GRHL2: variants seen among roughly 807,000 people sequenced by gnomAD.
GRHL2 encodes grainyhead-like protein 2 homolog.
In GRHL2, 21 loss-of-function variants were observed where a neutral mutation model predicts 83.8. That is an observed-to-expected ratio of 0.25 (90% CI 0.18 to 0.36). The LOEUF (loss-of-function observed/expected upper bound fraction) is 0.36. Among genes scored for constraint, GRHL2 ranks in the 10% least tolerant of loss-of-function variants. The probability of loss-of-function intolerance (pLI) is 1.00; values close to 1 mark genes in which losing one functional copy is unlikely to be tolerated. For synonymous variants in GRHL2, 280 were observed against 278.9 expected (o/e 1.00, Z -0.04); for missense variants, 623 against 781.8 (o/e 0.80, Z 2.42).
At chr8:101,592,642 C>T (rs970492204) in intron 7 of GRHL2, among the ~76,000 whole-genome samples, 2 of 152,182 alleles carry the variant, frequency 1.3e-5, no homozygotes, top group African/African-American at 4.8e-5. Context: ...CTGCATTTTA[C>T]CAAAGCCCTC....
chr8:101,599,456 G>A (rs566881891), intron 8 of GRHL2, among the ~76,000 whole-genome samples: 91 of 152,296 alleles, frequency 6.0e-4, no homozygotes, highest in African/African-American at 2.0e-3. Flanking sequence ...CCCCAAAGGC[G>A]TCTCTGTGCA....
At chr8:101,580,440 C>A (rs1054075152) in intron 7 of GRHL2, among the ~76,000 whole-genome samples, 1 of 152,220 alleles carries the variant, frequency 6.6e-6, no homozygotes, top group African/African-American at 2.4e-5. Flanking sequence ...ATTAACCAAC[C>A]TCTCTTCATC....
At chr8:101,552,831 A>G (rs1811412368) in intron 3 of GRHL2, 49 bp downstream of exon 3, 1 of 1,539,548 alleles carries the variant, frequency 6.5e-7, no homozygotes, top group Admixed American at 1.8e-5. Context: ...TTTCTAAAAA[A>G]CAATGTTATT....
At chr8:101,515,943 T>C (rs1417552525) in intron 1 of GRHL2, among the ~76,000 whole-genome samples, 1 of 152,182 alleles carries the variant, frequency 6.6e-6, no homozygotes, top group Non-Finnish European at 1.5e-5. Flanking sequence ...ATGACATCTG[T>C]GAGGGTTCAT....
rs1443685002 is a variant in GRHL2, at chr8:101,562,034, A to T, written c.678+3222A>T. On this transcript the variant is annotated intron_variant, in intron 4 of 15. Transcript: ENST00000646743. The stretch of plus-strand genomic sequence containing the variant: ...TCTTCCATGTCCACATCCTCTTGTA[A>T]CTGTTGTACCATTTTCTCTTCCAAC... The T allele has an allele frequency of 1.3e-5, 10 of 787,128 alleles. No homozygotes were observed. The African/African-American group carries it at 1.5e-4, about 12-fold the overall frequency. 48.8% of individuals were successfully genotyped at this position (787,128 alleles called of 1,614,324 possible). A position where few individuals can be genotyped will look rare whatever the true frequency, so the allele number is the denominator to read the frequency against.
chr8:101,612,871 T>C (rs1586144213), intron 8 of GRHL2, among the ~76,000 whole-genome samples: 1 of 151,016 alleles, frequency 6.6e-6, no homozygotes, highest in African/African-American at 2.5e-5. Flanking sequence ...TTCAGAATCA[T>C]GGAGCAAACA....
chr8:101,594,449 C>G (rs554800599), intron 7 of GRHL2, among the ~76,000 whole-genome samples: 1 of 152,140 alleles, frequency 6.6e-6, no homozygotes, highest in South Asian at 2.1e-4. Flanking sequence ...TACCGTGGGC[C>G]GTAAACTCTT....
chr8:101,506,764 C>T (rs1238615567), intron 1 of GRHL2, among the ~76,000 whole-genome samples: 17 of 150,882 alleles, frequency 1.1e-4, no homozygotes, highest in South Asian at 2.1e-4. Context: ...GTTCTACCAA[C>T]AGTGTTTGAG....
rs115781486 is a variant in GRHL2 at position 101,639,150 on chromosome 8, T to A, written c.1517+2222T>A. On this transcript the variant is annotated intron_variant, in intron 12 of 15. Transcript: ENST00000646743. ...TCCTTGCAAGCTGACTGCAGTTAGATGGCCATCGACCTACTTGTAACTCCA... is the reference window on the plus strand; with the variant it reads ...TCCTTGCAAGCTGACTGCAGTTAGAAGGCCATCGACCTACTTGTAACTCCA... 2.3e-3 allele frequency among the ~76,000 whole-genome samples: 353 copies of A among 152,320 alleles called. 2 individuals carry two copies. The highest frequency in any genetic ancestry group is 8.3e-3 in the African/African-American group (345 of 41,570).
the GRHL2 span, among the ~76,000 whole-genome samples, chr8:101,679,679 G>T: frequency 9.9e-5 from 15 of 151,576 alleles, no homozygotes; most frequent in Admixed American, 5.9e-4. Flanking sequence ...CAGAGAACAA[G>T]GTCAGGTTAC....
intron 1 of GRHL2, among the ~76,000 whole-genome samples, chr8:101,541,146 TGGTGTGTGTGTGTG>T (rs1364886708): frequency 1.2e-4 from 12 of 103,594 alleles, no homozygotes; most frequent in African/African-American, 3.7e-4. Context: ...TACTATTTCA[TGGTGTGTGTGTGTG>T]TGTGTGTGTG....
intron 3 of GRHL2, among the ~76,000 whole-genome samples, chr8:101,557,268 A>G (rs992373317): frequency 7.9e-6 from 1 of 127,042 alleles, no homozygotes; most frequent in Non-Finnish European, 1.6e-5. Flanking sequence ...TCTGTCCCCC[A>G]GGTTGGATTG....
intron 1 of GRHL2, among the ~76,000 whole-genome samples, chr8:101,493,958 C>T (rs1810036338): frequency 6.6e-6 from 1 of 152,032 alleles, no homozygotes; most frequent in African/African-American, 2.4e-5. Context: ...GGAGGTGGGT[C>T]CCGCGGCCTT....
downstream of GRHL2, among the ~76,000 whole-genome samples, chr8:101,673,544 A>G (rs534381222): frequency 1.4e-5 from 2 of 145,024 alleles, no homozygotes; most frequent in South Asian, 4.7e-4. Flanking sequence ...ATTTGCTCCA[A>G]TACAGGAGCA....
intron 1 of GRHL2, among the ~76,000 whole-genome samples, chr8:101,512,929 CCTT>C (rs1271873861): frequency 5.9e-5 from 9 of 152,258 alleles, no homozygotes; most frequent in East Asian, 5.8e-4. Context: ...CTGGTGAAGT[CCTT>C]CTTCTTAGCT....
At chr8:101,664,644 T>C (rs192315346) in intron 15 of GRHL2, 126 bp downstream of exon 15, 106 of 713,094 alleles carry the variant, frequency 1.5e-4, no homozygotes, top group Admixed American at 2.1e-4. Context: ...TGTGTCCTTC[T>C]TCCAGAGAAT....
intron 1 of GRHL2, among the ~76,000 whole-genome samples, chr8:101,524,274 T>C (rs966507631): frequency 6.6e-6 from 1 of 152,204 alleles, no homozygotes; most frequent in Non-Finnish European, 1.5e-5. Context: ...AGTTTGTTAG[T>C]TTTCTTTGCC....
At chr8:101,560,119 C>G (rs1176657915) in intron 4 of GRHL2, among the ~76,000 whole-genome samples, 1 of 152,100 alleles carries the variant, frequency 6.6e-6, no homozygotes, top group African/African-American at 2.4e-5. Flanking sequence ...GATTCTCCTG[C>G]CTCAGCCTCC....
chr8:101,656,869 A>AACACACACACACACACACACACAC (rs1329881993), intron 14 of GRHL2, among the ~76,000 whole-genome samples: 1 of 55,360 alleles, frequency 1.8e-5, no homozygotes, highest in Non-Finnish European at 3.3e-5. Context: ...TTATGTGTCT[A>AACACACACACACACACACACACAC]ACAGACACAC....
Sources: gnomAD v4.1 joint callset for allele counts (sites outside exome capture counted in the v4.1 genomes callset) on GRCh38, gnomAD v4.1.1 for gene constraint, MANE v1.5 for transcripts, NCBI Gene and HGNC (gene_info 2026-07-23, HGNC 2026-07-21) for gene names.